The following INTS4 variants were observed in gnomAD, a reference collection of about 807,000 sequenced individuals.
INTS4 encodes the protein MSTP093.
Under a neutral mutation model 119.5 loss-of-function variants are expected in INTS4, and 70 were observed. The ratio of observed to expected loss-of-function variants is 0.59; its 90% CI spans 0.48 to 0.71. INTS4 has a LOEUF of 0.71. Among genes scored for constraint, INTS4 ranks in the 30% least tolerant of loss-of-function variants. The pLI is 0.00. For synonymous variants in INTS4, 316 were observed against 419.6 expected (o/e 0.75, Z 3.02); for missense variants, 867 against 1,173.2 (o/e 0.74, Z 3.81).
chr11:77,925,347 T>C (rs1470959827), intron 11 of INTS4, among the ~76,000 whole-genome samples: 3 of 152,280 alleles, frequency 2.0e-5, no homozygotes, highest in South Asian at 4.1e-4. Flanking sequence ...CTGTAACAGA[T>C]GTAATAATGA....
In INTS4 at chr11:77,903,087, A is replaced by G. The variant is rs1337120014; in HGVS notation, c.2097+453T>C. Among the ~76,000 whole-genome samples, 5 of 152,204 alleles carry G rather than the reference A, an allele frequency of 3.3e-5. No individual in the cohort carries two copies. The East Asian group carries it at 9.6e-4, about 29-fold the overall frequency. On this transcript the variant is annotated intron_variant, in intron 17 of 22. Transcript: ENST00000534064. ...GCCCGGCCCAACTGCCACATTTTAT[A>G]GAAGAGAAAAAATCCAGGGAATTTA...
intron 4 of INTS4, among the ~76,000 whole-genome samples, chr11:77,975,988 A>T (rs935444925): frequency 2.6e-5 from 4 of 151,536 alleles, no homozygotes; most frequent in Non-Finnish European, 5.9e-5. Context: ...CAAACGATTT[A>T]AAAAAAACAC....
chr11:77,929,717 T>C (rs894025742), intron 10 of INTS4, among the ~76,000 whole-genome samples: 4 of 152,158 alleles, frequency 2.6e-5, no homozygotes, highest in African/African-American at 7.2e-5. Flanking sequence ...CAAACTGTAG[T>C]GAATGATCCC....
At chr11:77,883,734 T>A in intron 22 of INTS4, 98 bp downstream of exon 22, 1 of 1,263,126 alleles carries the variant, frequency 7.9e-7, no homozygotes, top group Non-Finnish European at 1.1e-6. Context: ...GCCTGATTCA[T>A]CCATGTATTT....
chr11:77,879,279 A>G lies in INTS4; in HGVS notation c.2714-152T>C, dbSNP rs111424730. 124 of 791,202 alleles carry G rather than the reference A, an allele frequency of 1.6e-4. No individual in the cohort carries two copies. In the African/African-American group the frequency reaches 1.7e-3, roughly 11 times the overall value. The allele number at this position is 791,202 out of a possible 1,614,324, so 49.0% of individuals were successfully genotyped here. On this transcript the variant is annotated intron_variant, in intron 22 of 22. Transcript: ENST00000534064. ...TCCCCTTACCCTCACCAAACAAAAC[A>G]CTGAGCCTGCAGATGTGATGCTGTT...
chr11:77,965,886 T>A (rs1855483767), intron 4 of INTS4, among the ~76,000 whole-genome samples: 1 of 152,254 alleles, frequency 6.6e-6, no homozygotes, highest in African/African-American at 2.4e-5. Context: ...TTTTTAGTTT[T>A]TTGAGACCTT....
intron 4 of INTS4, among the ~76,000 whole-genome samples, chr11:77,975,517 A>G (rs1476722086): frequency 6.6e-6 from 1 of 152,112 alleles, no homozygotes; most frequent in Non-Finnish European, 1.5e-5. Flanking sequence ...TTTTAGGCAC[A>G]TTGTATGATA....
intron 12 of INTS4, chr11:77,922,819 C>A: frequency 3.1e-6 from 1 of 325,012 alleles, no homozygotes; most frequent in South Asian, 2.6e-5. Context: ...TGGTCTAAAC[C>A]CATCATGGCA....
downstream of INTS4, chr11:77,876,823 T>G (rs996389521): frequency 1.7e-6 from 1 of 599,550 alleles, no homozygotes; most frequent in Non-Finnish European, 3.0e-6. Flanking sequence ...GAGGGCTAAC[T>G]TGGAGGATTT....
intron 8 of INTS4, among the ~76,000 whole-genome samples, chr11:77,948,969 G>C (rs566998025): frequency 6.6e-6 from 1 of 152,204 alleles, no homozygotes; most frequent in South Asian, 2.1e-4. Flanking sequence ...CATCAAAAAA[G>C]AAGAACAATC....
At chr11:77,931,597 C>G (rs1350770102) in intron 10 of INTS4, among the ~76,000 whole-genome samples, 2 of 151,930 alleles carry the variant, frequency 1.3e-5, no homozygotes, top group African/African-American at 4.8e-5. Context: ...AATATATATA[C>G]TAGTATGGAA....
At chr11:77,930,944 T>C (rs183872908) in intron 10 of INTS4, among the ~76,000 whole-genome samples, 119 of 152,328 alleles carry the variant, frequency 7.8e-4, no homozygotes, top group African/African-American at 2.6e-3. Context: ...ACATGTATAA[T>C]TGGATCCAGA....
intron 10 of INTS4, among the ~76,000 whole-genome samples, chr11:77,935,903 A>AAAAGAAAAGAAAGAGAG (rs1565256771): frequency 3.4e-5 from 3 of 86,990 alleles, no homozygotes; most frequent in Non-Finnish European, 4.2e-5. Flanking sequence ...CTCAAAAAAA[A>AAAAGAAAAGAAAGAGAG]AAAAAAGAAA....
At chr11:77,921,691 A>C (rs1953364294) in intron 13 of INTS4, among the ~76,000 whole-genome samples, 2 of 152,240 alleles carry the variant, frequency 1.3e-5, no homozygotes, top group Admixed American at 6.5e-5. Context: ...GAATACAAAA[A>C]ATGGAAATGA....
chr11:77,994,014 G>A (rs929969845), intron 1 of INTS4, among the ~76,000 whole-genome samples: 7 of 152,080 alleles, frequency 4.6e-5, no homozygotes, highest in Non-Finnish European at 7.4e-5. Context: ...TGGTGAGGAA[G>A]GTACTGCCCT....
chr11:77,979,841 G>A (rs531929328), intron 3 of INTS4, among the ~76,000 whole-genome samples: 2 of 151,882 alleles, frequency 1.3e-5, no homozygotes, highest in South Asian at 4.2e-4. Flanking sequence ...AGCCAGGCAT[G>A]GTGGCACGTG....
chr11:77,992,419 C>T (rs150302686), intron 1 of INTS4, among the ~76,000 whole-genome samples: 46 of 151,626 alleles, frequency 3.0e-4, no homozygotes, highest in African/African-American at 9.9e-4. Flanking sequence ...AACAAATATC[C>T]GATGGGCGTA....
chr11:77,891,538 T>C (rs556448460), intron 20 of INTS4, 76 bp from the exon 21 acceptor site: 1 of 1,582,952 alleles, frequency 6.3e-7, no homozygotes, highest in African/African-American at 1.3e-5. Flanking sequence ...TTTTTCTGTC[T>C]CCTTATCTAA....
At chr11:77,904,233 G>T (rs1235177376) in intron 16 of INTS4, among the ~76,000 whole-genome samples, 1 of 151,990 alleles carries the variant, frequency 6.6e-6, no homozygotes, top group Non-Finnish European at 1.5e-5. Flanking sequence ...TATTTTCTCA[G>T]TCCTTCTGAA....
Sources: allele counts gnomAD v4.1 joint callset (sites outside exome capture counted in the v4.1 genomes callset), GRCh38; gene constraint gnomAD v4.1.1; transcripts MANE v1.5; gene names NCBI Gene and HGNC (gene_info 2026-07-23, HGNC 2026-07-21).